Variants in SLC22A25 observed in about 807,000 individuals in gnomAD.
SLC22A25 encodes the protein MGI:2442751, MGI:2385316, MGI:3042283, MGI:3645714, MGI:3605624, MGI:2442750.
In SLC22A25, 44 loss-of-function variants were observed where a neutral mutation model predicts 45.9. The ratio of observed to expected loss-of-function variants is 0.96; its 90% CI spans 0.75 to 1.23. The LOEUF is 1.23. SLC22A25 is among the 50% of genes most tolerant of loss of function. The pLI is 0.00. For missense variants in SLC22A25, 800 were observed against 666.4 expected, an observed-to-expected ratio of 1.20 and a Z score of -2.21; for synonymous variants, 283 against 238.6, an observed-to-expected ratio of 1.19 and a Z score of -1.72.
intron 4 of SLC22A25, among the ~76,000 whole-genome samples, 165 bp from the exon 5 acceptor site, chr11:63,228,729 C>T (rs1353314919): frequency 6.6e-6 from 1 of 152,222 alleles, no homozygotes; most frequent in Non-Finnish European, 1.5e-5. Context: ...GCACAACTTT[C>T]TCTTGGAAGC....
rs770095549 is a variant in SLC22A25, at chr11:63,163,911, C to G, written c.1557G>C (p.Arg519Ser). ...GLVVLLLPET[R>S]NQPLLDSIQD... Reference sequence around the variant, plus strand: ...GGATGCTGTCAAGAAGAGGCTGGTTCCTGGTTTCAGGAAGGAGGAGGACAA... The same window carrying G: ...GGATGCTGTCAAGAAGAGGCTGGTTGCTGGTTTCAGGAAGGAGGAGGACAA... The change falls in exon 12 of 12, where the codon AGG becomes AGC. Residue 519 changes from arginine (R) to serine (S), a missense_variant. Arg to Ser is a moderately radical substitution (Grantham distance 110). Coordinates refer to ENST00000306494, the MANE Select transcript of SLC22A25 (RefSeq NM_199352.6). 6.2e-7 allele frequency: 1 copy of G among 1,613,854 alleles called. No homozygotes were observed. The highest frequency in any genetic ancestry group is 8.5e-7 in the Non-Finnish European group (1 of 1,179,884).
intron 7 of SLC22A25, among the ~76,000 whole-genome samples, chr11:63,186,812 T>G (rs1038721599): frequency 2.1e-4 from 32 of 151,662 alleles, no homozygotes; most frequent in African/African-American, 7.0e-4. Flanking sequence ...ATCCTTTCCC[T>G]ATTTCTTGTT....
intron 9 of SLC22A25, 29 bp from the exon 10 acceptor site, chr11:63,166,287 T>G (rs1348636325): frequency 6.2e-7 from 1 of 1,610,756 alleles, no homozygotes; most frequent in Non-Finnish European, 8.5e-7. Context: ...AAGGCACATA[T>G]TATAATCTGT....
chr11:63,217,649 A>G lies in SLC22A25; in HGVS notation c.593T>C (p.Val198Ala), dbSNP rs750769665. 6.2e-7 allele frequency: 1 copy of G among 1,614,060 alleles called. No homozygotes were observed. Among genetic ancestry groups the G allele is most frequent in the Non-Finnish European group, 8.5e-7 (1 of 1,180,000 alleles). ...TCAAFAPTIL[V>A]YCSLRFLAGA... ...AGCCAAGAAGCGCAGGGAGCAGTAT[A>G]CGAGGATGGTGGGAGCAAAGGCCGC... The change falls in exon 6 of 12, where the codon GTA (valine) becomes GCA (alanine). Residue 198 changes from valine (V) to alanine (A), a missense_variant. Transcript: ENST00000306494.
At chr11:63,215,358 C>G (rs2089683222) in intron 7 of SLC22A25, among the ~76,000 whole-genome samples, 1 of 152,176 alleles carries the variant, frequency 6.6e-6, no homozygotes, top group Non-Finnish European at 1.5e-5. Context: ...CACATATTCT[C>G]ACTCATAAGT....
At chr11:63,198,922 T>C (rs1270819492) in intron 7 of SLC22A25, among the ~76,000 whole-genome samples, 1 of 152,016 alleles carries the variant, frequency 6.6e-6, no homozygotes, top group Non-Finnish European at 1.5e-5. Flanking sequence ...AAGGTGGAAA[T>C]TTATAGTACT....
rs1347539419 is a variant in SLC22A25 at position 63,229,639 on chromosome 11, T to C, written c.14A>G (p.Asp5Gly). 6.2e-7 allele frequency: 1 copy of C among 1,601,654 alleles called. No homozygotes were observed. The highest frequency in any genetic ancestry group is 1.3e-5 in the African/African-American group (1 of 74,612). The change falls in exon 4 of 12, where the codon GAC (aspartate) becomes GGC (glycine). Residue 5 changes from aspartate to glycine, a missense_variant. Coordinates refer to ENST00000306494, the MANE Select transcript of SLC22A25 (RefSeq NM_199352.6). MAFQ[D>G]LLDQVGGLGR... ...CAGGCCTCCAACTTGATCTAGGAGG[T>C]CCTGAAAGGCCATTGAGGCTGGACA...
At chr11:63,222,381 C>G (rs1456319069) in intron 5 of SLC22A25, among the ~76,000 whole-genome samples, 1 of 151,996 alleles carries the variant, frequency 6.6e-6, no homozygotes, top group African/African-American at 2.4e-5. Flanking sequence ...TTATTTGTCA[C>G]TATTGTAAAT....
intron 9 of SLC22A25, among the ~76,000 whole-genome samples, chr11:63,180,079 A>G (rs1344681072): frequency 6.6e-6 from 1 of 152,120 alleles, no homozygotes; most frequent in African/African-American, 2.4e-5. Flanking sequence ...TTTCAGTGCA[A>G]CTGTTTTTGG....
At chr11:63,194,369 A>AAATTTGAATAT (rs2088925943) in intron 7 of SLC22A25, among the ~76,000 whole-genome samples, 1 of 152,162 alleles carries the variant, frequency 6.6e-6, no homozygotes, top group African/African-American at 2.4e-5. Context: ...TGTTATATTC[A>AAATTTGAATAT]CCAAAGTTGA....
intron 7 of SLC22A25, among the ~76,000 whole-genome samples, chr11:63,189,123 C>A (rs907323554): frequency 6.6e-6 from 1 of 152,162 alleles, no homozygotes; most frequent in Admixed American, 6.5e-5. Context: ...TCTCATTGAT[C>A]TGTCTAATGT....
chr11:63,187,911 G>T (rs1346909057), intron 7 of SLC22A25, among the ~76,000 whole-genome samples: 1 of 152,198 alleles, frequency 6.6e-6, no homozygotes, highest in East Asian at 1.9e-4. Flanking sequence ...GATCATGTTG[G>T]ATAAGCTTTT....
intron 7 of SLC22A25, among the ~76,000 whole-genome samples, chr11:63,198,119 G>A (rs1323405656): frequency 6.6e-5 from 10 of 152,210 alleles, no homozygotes; most frequent in Admixed American, 6.5e-4. Context: ...CTTTTACACT[G>A]TTGGTGAGAC....
chr11:63,223,274 A>G (rs772511944), intron 5 of SLC22A25, among the ~76,000 whole-genome samples: 3 of 151,846 alleles, frequency 2.0e-5, no homozygotes, highest in Non-Finnish European at 4.4e-5. Context: ...TTACCTGGAG[A>G]CTTTTTATTA....
At chr11:63,178,823 C>A (rs1317851174) in intron 9 of SLC22A25, among the ~76,000 whole-genome samples, 1 of 151,754 alleles carries the variant, frequency 6.6e-6, no homozygotes, top group African/African-American at 2.4e-5. Context: ...GATGTAATTC[C>A]ATTTGTCATT....
At chr11:63,194,216 CG>C (rs963494155) in intron 7 of SLC22A25, among the ~76,000 whole-genome samples, 1 of 151,972 alleles carries the variant, frequency 6.6e-6, no homozygotes, top group African/African-American at 2.4e-5. Flanking sequence ...ATGGGGAGAA[CG>C]GAACCAAGTT....
At chr11:63,164,941 T>C (rs932806874) in intron 10 of SLC22A25, among the ~76,000 whole-genome samples, 1 of 152,168 alleles carries the variant, frequency 6.6e-6, no homozygotes, top group Non-Finnish European at 1.5e-5. Flanking sequence ...GTCTCACTTA[T>C]TCTATCTGGG....
intron 5 of SLC22A25, among the ~76,000 whole-genome samples, chr11:63,222,258 G>T (rs78168356): frequency 6.6e-6 from 1 of 152,004 alleles, no homozygotes; most frequent in Admixed American, 6.6e-5. Context: ...TCCAATCCAC[G>T]GACATGAATA....
chr11:63,217,290 A>G (rs1336525971), intron 7 of SLC22A25, 24 bp downstream of exon 7: 1 of 1,607,006 alleles, frequency 6.2e-7, no homozygotes, highest in Non-Finnish European at 8.5e-7. Flanking sequence ...GTCATATGGC[A>G]AAAGAAGAAT....
Sources: gnomAD v4.1 joint callset for allele counts (sites outside exome capture counted in the v4.1 genomes callset) on GRCh38, gnomAD v4.1.1 for gene constraint, MANE v1.5 for transcripts, NCBI Gene and HGNC (gene_info 2026-07-23, HGNC 2026-07-21) for gene names.